Variants in SEPTIN9 observed in about 807,000 individuals in gnomAD.
SEPTIN9 encodes septin-9.
SEPTIN9 carries 13 observed loss-of-function variants against 56.6 expected under a neutral mutation model. The observed-to-expected ratio is 0.23, with a 90% confidence interval of 0.15 to 0.37. The LOEUF is 0.37. Among genes scored for constraint, SEPTIN9 ranks in the 10% least tolerant of loss-of-function variants. The pLI, the probability that SEPTIN9 is intolerant of heterozygous loss-of-function variation, is 1.00. For missense variants in SEPTIN9, 650 were observed against 823.1 expected (o/e 0.79, Z 2.57); for synonymous variants, 332 against 334.1 (o/e 0.99, Z 0.07).
At chr17:77,363,738 C>T (rs2034490383) in intron 2 of SEPTIN9, among the ~76,000 whole-genome samples, 1 of 152,112 alleles carries the variant, frequency 6.6e-6, no homozygotes, top group South Asian at 2.1e-4. Flanking sequence ...TATTAGTTCA[C>T]CCTTTTGGCT....
chr17:77,283,366 G>GT (rs779444441), intron 1 of SEPTIN9, among the ~76,000 whole-genome samples: 1 of 151,998 alleles, frequency 6.6e-6, no homozygotes, highest in Non-Finnish European at 1.5e-5. Flanking sequence ...GGCCCAAGGT[G>GT]TGCTGGGTCA....
At chr17:77,393,636 A>G (rs1189061804) in intron 2 of SEPTIN9, among the ~76,000 whole-genome samples, 3 of 152,026 alleles carry the variant, frequency 2.0e-5, no homozygotes, top group Non-Finnish European at 4.4e-5. Flanking sequence ...GTTGCCCAGG[A>G]TAGAGTGCAA....
chr17:77,355,146 C>T (rs536940526), intron 2 of SEPTIN9, among the ~76,000 whole-genome samples: 2 of 152,306 alleles, frequency 1.3e-5, no homozygotes, highest in East Asian at 3.9e-4. Flanking sequence ...GCCTATATGT[C>T]CCATTGTGTG....
At chr17:77,393,227 G>A (rs973321312) in intron 2 of SEPTIN9, among the ~76,000 whole-genome samples, 23 of 152,136 alleles carry the variant, frequency 1.5e-4, no homozygotes, top group African/African-American at 5.6e-4. Flanking sequence ...CCCCCATACC[G>A]GGCAGCATGG....
chr17:77,413,575 A>G (rs1475056364), intron 3 of SEPTIN9, among the ~76,000 whole-genome samples: 1 of 152,188 alleles, frequency 6.6e-6, no homozygotes, highest in East Asian at 1.9e-4. Context: ...GTTGAGGCAC[A>G]TGTGTGCAGT....
intron 2 of SEPTIN9, chr17:77,320,089 G>T: frequency 1.4e-6 from 2 of 1,427,324 alleles, no homozygotes; most frequent in Non-Finnish European, 9.2e-7. Context: ...CCGTTTTGAA[G>T]AGACAATGCT....
At chr17:77,414,572 C>CTTTTT (rs559525322) in intron 3 of SEPTIN9, among the ~76,000 whole-genome samples, 4 of 123,834 alleles carry the variant, frequency 3.2e-5, no homozygotes, top group Non-Finnish European at 6.7e-5. Context: ...TGTGTGGATT[C>CTTTTT]TTTTTTTTTT....
chr17:77,478,147 A>T (rs1222469314), intron 3 of SEPTIN9, among the ~76,000 whole-genome samples: 1 of 152,222 alleles, frequency 6.6e-6, no homozygotes, highest in African/African-American at 2.4e-5. Context: ...CACTCTATGG[A>T]CCTCAGTTTC....
chr17:77,388,810 CTT>C lies in SEPTIN9; in HGVS notation c.77-13226_77-13225del, dbSNP rs5822196. 1.3e-3 allele frequency among the ~76,000 whole-genome samples: 98 copies of C among 78,042 alleles called. 1 individual carries two copies. Among genetic ancestry groups the C allele is most frequent in the African/African-American group, 4.3e-3 (71 of 16,616 alleles). 51.2% of individuals were successfully genotyped at this position (78,042 alleles called of 152,430 possible). ...GCCAAGTGGCCCCTGGTGTTAGGCG[CTT>C]TTTTTTTTTTTTTTTTTTTTTTGCA... On this transcript the variant is annotated intron_variant, in intron 2 of 11. Transcript: ENST00000427177.
chr17:77,458,349 G>A (rs536205070), intron 3 of SEPTIN9, among the ~76,000 whole-genome samples: 1 of 152,296 alleles, frequency 6.6e-6, no homozygotes, highest in East Asian at 1.9e-4. Flanking sequence ...GCCCCTCCCT[G>A]CCTTGTTCCA....
At chr17:77,315,054 CA>C (rs1388513706) in intron 2 of SEPTIN9, among the ~76,000 whole-genome samples, 1 of 152,150 alleles carries the variant, frequency 6.6e-6, no homozygotes, top group Non-Finnish European at 1.5e-5. Flanking sequence ...CACATGGGAA[CA>C]GGGGCTTATC....
At chr17:77,396,144 G>C (rs367672642) in intron 2 of SEPTIN9, among the ~76,000 whole-genome samples, 1 of 152,082 alleles carries the variant, frequency 6.6e-6, no homozygotes. Flanking sequence ...CTCTATGGGT[G>C]GGGGGGTGAC....
rs145254939 is a variant in SEPTIN9 at position 77,460,193 on chromosome 17, G to T, written c.722-21951G>T. Among the ~76,000 whole-genome samples the T allele has an allele frequency of 4.7e-3, 716 of 152,274 alleles. 5 individuals carry two copies. The highest frequency in any genetic ancestry group is 8.1e-3 in the Non-Finnish European group (554 of 68,028). The stretch of plus-strand genomic sequence containing the variant: ...GTGCGTGCGTCAGTTTCTACATCTG[G>T]TTAAGCAGTAGAAGCTCCTTCTCTG... On this transcript the variant is annotated intron_variant, in intron 3 of 11. Coordinates refer to ENST00000427177, the MANE Select transcript of SEPTIN9 (RefSeq NM_001113491.2).
At chr17:77,442,506 T>TAAAA (rs574360726) in intron 3 of SEPTIN9, among the ~76,000 whole-genome samples, 11 of 91,308 alleles carry the variant, frequency 1.2e-4, no homozygotes, top group Non-Finnish European at 1.3e-4. Flanking sequence ...CAACTAGTCT[T>TAAAA]AAAAAAAAAA....
At chr17:77,350,899 C>T (rs1424002948) in intron 2 of SEPTIN9, among the ~76,000 whole-genome samples, 4 of 152,006 alleles carry the variant, frequency 2.6e-5, no homozygotes, top group Admixed American at 2.6e-4. Context: ...GCCTGAGGAC[C>T]CTGCAGAGTG....
chr17:77,452,887 G>T (rs2038038909), intron 3 of SEPTIN9, among the ~76,000 whole-genome samples: 1 of 149,920 alleles, frequency 6.7e-6, no homozygotes, highest in Non-Finnish European at 1.5e-5. Context: ...ACGAGTCCTT[G>T]TTGGAAAGGT....
intron 1 of SEPTIN9, among the ~76,000 whole-genome samples, chr17:77,299,391 A>G (rs1432441351): frequency 2.0e-5 from 3 of 152,212 alleles, no homozygotes; most frequent in Non-Finnish European, 4.4e-5. Context: ...CAGACTTGGG[A>G]TATACTTATG....
In SEPTIN9 at chr17:77,323,359, T is replaced by C. The variant is rs57302559; in HGVS notation, c.76+16162T>C. On this transcript the variant is annotated intron_variant, in intron 2 of 11. Coordinates refer to ENST00000427177, the MANE Select transcript of SEPTIN9 (RefSeq NM_001113491.2). This position sits in a 1 kb window ranked among gnomAD's most constrained non-coding sequence, Gnocchi z 6.8. ...TGTGGCTTTTACAAATTAAGCAGTTTTATCTTGTTCCAAGAGCTTGTATTT... is the reference window on the plus strand; with the variant it reads ...TGTGGCTTTTACAAATTAAGCAGTTCTATCTTGTTCCAAGAGCTTGTATTT... Among the ~76,000 whole-genome samples, 7 of 152,260 alleles carry C rather than the reference T, an allele frequency of 4.6e-5. No homozygotes were observed. The highest frequency in any genetic ancestry group is 1.4e-4 in the African/African-American group (6 of 41,564).
chr17:77,303,850 T>G (rs902907957), intron 1 of SEPTIN9, among the ~76,000 whole-genome samples: 1 of 152,086 alleles, frequency 6.6e-6, no homozygotes, highest in African/African-American at 2.4e-5. Flanking sequence ...ATGGAAGTCA[T>G]CTCCCAGGGC....
Sources: allele counts gnomAD v4.1 joint callset (sites outside exome capture counted in the v4.1 genomes callset), GRCh38; gene constraint gnomAD v4.1.1; non-coding constraint Gnocchi (gnomAD v3.1); transcripts MANE v1.5; gene names NCBI Gene and HGNC (gene_info 2026-07-23, HGNC 2026-07-21).